Variants in FSIP1 observed in about 807,000 individuals in gnomAD.
FSIP1 encodes fibrous sheath interacting protein 1.
A neutral mutation model predicts 60.9 loss-of-function variants in FSIP1; 65 were observed. The ratio of observed to expected loss-of-function variants is 1.07; its 90% CI spans 0.87 to 1.31. The LOEUF (loss-of-function observed/expected upper bound fraction) is 1.31. Among genes scored for constraint, FSIP1 ranks in the 40% most tolerant of loss-of-function variants. The pLI is 0.00. For missense variants in FSIP1, 675 were observed against 665.5 expected (o/e 1.01, Z -0.16); for synonymous variants, 209 against 221.2 (o/e 0.94, Z 0.49).
intron 10 of FSIP1, among the ~76,000 whole-genome samples, chr15:39,676,831 TTACTATAGG>T (rs1047254410): frequency 1.4e-5 from 2 of 143,000 alleles, no homozygotes; most frequent in Non-Finnish European, 2.9e-5. Flanking sequence ...GAGTTTTCAC[TTACTATAGG>T]TATTTAGATT....
intron 10 of FSIP1, among the ~76,000 whole-genome samples, chr15:39,660,160 G>A (rs1033814687): frequency 2.0e-5 from 3 of 152,152 alleles, no homozygotes; most frequent in South Asian, 2.1e-4. Context: ...TAAGTAAAAC[G>A]TAGCACACTG....
intron 10 of FSIP1, among the ~76,000 whole-genome samples, chr15:39,689,135 T>C (rs1446463818): frequency 1.3e-5 from 2 of 152,136 alleles, no homozygotes; most frequent in African/African-American, 4.8e-5. Context: ...GTTAACTTAC[T>C]ATTACTGCTT....
rs1896744533 is a variant in FSIP1, at chr15:39,739,790, C to T, written c.656-1G>A. 6.5e-6 allele frequency: 10 copies of T among 1,544,936 alleles called. No individual in the cohort carries two copies. In the Middle Eastern group the frequency reaches 6.9e-4, roughly 107 times the overall value. On this transcript the variant is annotated splice_acceptor_variant, in intron 6 of 11. Coordinates refer to ENST00000350221, the MANE Select transcript of FSIP1 (RefSeq NM_152597.5). LOFTEE classifies it high-confidence loss of function. ...TTTCTTTCCACATCACAGGTAAAAT[C>T]TAATATTAAAAAAGTTCAAAATTTT...
chr15:39,706,726 T>C (rs2140535943), intron 10 of FSIP1, among the ~76,000 whole-genome samples: 1 of 152,306 alleles, frequency 6.6e-6, no homozygotes. Flanking sequence ...TAATTTCCTT[T>C]CTCCGCCTCC....
At chr15:39,699,021 C>T (rs1331617126) in intron 10 of FSIP1, among the ~76,000 whole-genome samples, 1 of 152,332 alleles carries the variant, frequency 6.6e-6, no homozygotes, top group South Asian at 2.1e-4. Flanking sequence ...CCGACCTGCC[C>T]TTGTGGTCTC....
chr15:39,619,949 C>A (rs958449324), intron 10 of FSIP1, among the ~76,000 whole-genome samples: 2 of 152,008 alleles, frequency 1.3e-5, no homozygotes, highest in African/African-American at 4.8e-5. Context: ...ATATGCTTGA[C>A]CATTTCCAAA....
At chr15:39,752,068 G>A (rs1897179772) in intron 5 of FSIP1, among the ~76,000 whole-genome samples, 1 of 151,876 alleles carries the variant, frequency 6.6e-6, no homozygotes, top group African/African-American at 2.4e-5. Flanking sequence ...AGAAAAGAAA[G>A]TCATCATCAT....
At chr15:39,713,336 G>A in intron 10 of FSIP1, 108 bp downstream of exon 10, 2 of 927,866 alleles carry the variant, frequency 2.2e-6, no homozygotes, top group Non-Finnish European at 3.2e-6. Flanking sequence ...GCAGGCTGAG[G>A]TGGGCAGGTC....
At chr15:39,677,813 T>G (rs145780048) in intron 10 of FSIP1, among the ~76,000 whole-genome samples, 1 of 152,058 alleles carries the variant, frequency 6.6e-6, no homozygotes, top group African/African-American at 2.4e-5. Flanking sequence ...CTGGCCAACA[T>G]GGTGAAACCC....
intron 10 of FSIP1, among the ~76,000 whole-genome samples, chr15:39,656,827 A>G (rs150931653): frequency 2.0e-5 from 3 of 152,332 alleles, no homozygotes; most frequent in African/African-American, 7.2e-5. Context: ...GAACAAGACA[A>G]TCATTTATTC....
chr15:39,680,747 A>C (rs1299512375), intron 10 of FSIP1, among the ~76,000 whole-genome samples: 1 of 152,182 alleles, frequency 6.6e-6, no homozygotes, highest in Non-Finnish European at 1.5e-5. Context: ...TTTCTCTATA[A>C]ATAACAATTA....
rs571444677 is a variant in FSIP1 at position 39,653,808 on chromosome 15, C to T, written c.1189-35563G>A. Among the ~76,000 whole-genome samples the T allele has an allele frequency of 7.9e-5, 12 of 152,356 alleles. No homozygotes were observed. In the East Asian group the frequency reaches 1.3e-3, roughly 17 times the overall value. The stretch of plus-strand genomic sequence containing the variant: ...CTTGCCTTCTGCCATGACTGTGAGG[C>T]TTCCCCAGCCATGTGGAACTGTAAG... On this transcript the variant is annotated intron_variant, in intron 10 of 11. Transcript: ENST00000350221.
intron 9 of FSIP1, among the ~76,000 whole-genome samples, chr15:39,715,898 T>C (rs1895719497): frequency 3.3e-5 from 5 of 152,192 alleles, no homozygotes; most frequent in Non-Finnish European, 2.9e-5. Context: ...ATGTAAGAAG[T>C]GCCTGCTTCC....
chr15:39,699,114 C>T (rs768961989), intron 10 of FSIP1, among the ~76,000 whole-genome samples: 2 of 152,130 alleles, frequency 1.3e-5, no homozygotes, highest in Non-Finnish European at 2.9e-5. Context: ...CACATGTCAG[C>T]GGTTTTTCTT....
chr15:39,659,696 T>C (rs1324734233), intron 10 of FSIP1, among the ~76,000 whole-genome samples: 1 of 151,860 alleles, frequency 6.6e-6, no homozygotes, highest in African/African-American at 2.4e-5. Flanking sequence ...TTTTGCCTGT[T>C]TTTATTTGTG....
chr15:39,736,919 G>A (rs1595678142), intron 8 of FSIP1, among the ~76,000 whole-genome samples: 1 of 152,262 alleles, frequency 6.6e-6, no homozygotes, highest in Non-Finnish European at 1.5e-5. Context: ...CTAGGGTGGG[G>A]AGGGAGTGAT....
intron 10 of FSIP1, among the ~76,000 whole-genome samples, chr15:39,643,713 C>A (rs1227759596): frequency 6.6e-6 from 1 of 152,172 alleles, no homozygotes; most frequent in Non-Finnish European, 1.5e-5. Context: ...AGGTGTTACC[C>A]AAATAAGTGG....
intron 4 of FSIP1, among the ~76,000 whole-genome samples, chr15:39,764,719 T>C (rs1311904671): frequency 1.3e-5 from 2 of 152,162 alleles, no homozygotes; most frequent in Non-Finnish European, 2.9e-5. Flanking sequence ...CAGGAATTTG[T>C]TGAGACAGAA....
rs776642671 is a variant in FSIP1, at chr15:39,776,533, T to A, written c.-7-2A>T. Reference sequence around the variant, plus strand: ...CCCTTTATAATATCCATTGAAATCCTGAAACAACAAATAAAATATTTAATA... The same window carrying A: ...CCCTTTATAATATCCATTGAAATCCAGAAACAACAAATAAAATATTTAATA... On this transcript the variant is annotated splice_acceptor_variant, in intron 1 of 11. Coordinates refer to ENST00000350221, the MANE Select transcript of FSIP1 (RefSeq NM_152597.5). LOFTEE classifies it low-confidence loss of function (5UTR_SPLICE). 1 of 1,596,648 alleles carries A rather than the reference T, an allele frequency of 6.3e-7. No homozygotes were observed. The highest frequency in any genetic ancestry group is 8.5e-7 in the Non-Finnish European group (1 of 1,170,412).
Sources: allele counts gnomAD v4.1 joint callset (sites outside exome capture counted in the v4.1 genomes callset), GRCh38; gene constraint gnomAD v4.1.1; transcripts MANE v1.5; gene names NCBI Gene and HGNC (gene_info 2026-07-23, HGNC 2026-07-21).